Variants in NARS2 observed in about 807,000 individuals in gnomAD.
NARS2 encodes the protein asparaginyl-tRNA synthetase 2, mitochondrial, also known as asparaginyl-tRNA synthetase.
NARS2 carries 60 observed loss-of-function variants against 62.9 expected under a neutral mutation model. The observed-to-expected ratio is 0.95, with a 90% CI of 0.77 to 1.18. NARS2 has a LOEUF of 1.18. NARS2 is among the 50% of genes most tolerant of loss of function. The pLI, the probability that NARS2 is intolerant of heterozygous loss-of-function variation, is 0.00. For missense variants in NARS2, 619 were observed against 576.4 expected (o/e 1.07, Z -0.76); for synonymous variants, 196 against 200.0 (o/e 0.98, Z 0.17).
intron 6 of NARS2, among the ~76,000 whole-genome samples, chr11:78,520,714 T>C (rs2135409673): frequency 6.6e-6 from 1 of 152,318 alleles, no homozygotes; most frequent in East Asian, 1.9e-4. Flanking sequence ...TCTTAGTAAT[T>C]ATTCATCATT....
In NARS2 at chr11:78,506,777, GA is replaced by G. The variant is rs747572493; in HGVS notation, c.690-13583del. Among the ~76,000 whole-genome samples the G allele has an allele frequency of 9.8e-4, 149 of 152,268 alleles. No homozygotes were observed. The Middle Eastern group carries it at 0.01, about 10-fold the overall frequency. On this transcript the variant is annotated intron_variant, in intron 6 of 13. Coordinates refer to ENST00000281038, the MANE Select transcript of NARS2 (RefSeq NM_024678.6). ...TCTCGAACTCCTGACAGCCTCAGGC[GA>G]TCCACCTGCCTCAGCCTCCGACAGT...
intron 7 of NARS2, among the ~76,000 whole-genome samples, chr11:78,485,402 A>AG (rs1320733652): frequency 3.3e-5 from 5 of 152,148 alleles, no homozygotes; most frequent in Admixed American, 1.3e-4. Flanking sequence ...TAAAGTAAAA[A>AG]AAAACAAAAA....
At chr11:78,457,839 C>A (rs1412289053) in intron 11 of NARS2, among the ~76,000 whole-genome samples, 1 of 151,798 alleles carries the variant, frequency 6.6e-6, no homozygotes, top group Non-Finnish European at 1.5e-5. Flanking sequence ...AACACACACA[C>A]ACACATTGTA....
At position 78,565,599 on chromosome 11, in the gene NARS2, C is replaced by G. The variant is rs539177916; in HGVS notation, c.513+533G>C. Among the ~76,000 whole-genome samples the G allele has an allele frequency of 3.9e-5, 6 of 152,248 alleles. No homozygotes were observed. The South Asian group carries it at 6.2e-4, about 16-fold the overall frequency. Reference sequence around the variant, plus strand: ...GGCTAGAGTTCATACGCTAGAATATCAGAGAGAGAGCTGCAGAGGGCCACC... The same window carrying G: ...GGCTAGAGTTCATACGCTAGAATATGAGAGAGAGAGCTGCAGAGGGCCACC... On this transcript the variant is annotated intron_variant, in intron 4 of 13. Transcript: ENST00000281038.
Position 78,534,683 on chromosome 11 carries a change from C to T in NARS2, c.595-5747G>A, listed in dbSNP as rs1056989557. ...CATCAAATTAAGAAATATTGGGGCT[C>T]CTAAGGGACACGGTCTCTCTTATTA... is the stretch of plus-strand genomic sequence containing the variant. On this transcript the variant is annotated intron_variant, in intron 5 of 13. Transcript: ENST00000281038. Among the ~76,000 whole-genome samples, 5 of 152,110 alleles carry T rather than the reference C, an allele frequency of 3.3e-5. No individual in the cohort carries two copies. The South Asian group carries it at 1.0e-3, about 32-fold the overall frequency.
At position 78,442,830 on chromosome 11, in the gene NARS2, TAA is replaced by T. The variant is rs1857616913; in HGVS notation, c.1262+829_1262+830del. On this transcript the variant is annotated intron_variant, in intron 12 of 13. Coordinates refer to ENST00000281038, the MANE Select transcript of NARS2 (RefSeq NM_024678.6). ...CCAGTTCTCAAACAGCAAGTTAGAATAAAGTTATTCAAATAGCTAAATCAAGA... is the reference window on the plus strand; with the variant it reads ...CCAGTTCTCAAACAGCAAGTTAGAATAGTTATTCAAATAGCTAAATCAAGA... Among the ~76,000 whole-genome samples, 3 of 152,164 alleles carry T rather than the reference TAA, an allele frequency of 2.0e-5. No individual in the cohort carries two copies. In the South Asian group the frequency reaches 6.2e-4, roughly 31 times the overall value.
At chr11:78,570,771 C>T (rs889942893) in intron 2 of NARS2, among the ~76,000 whole-genome samples, 6 of 152,140 alleles carry the variant, frequency 3.9e-5, no homozygotes, top group Admixed American at 6.5e-5. Flanking sequence ...CAGCACTATG[C>T]TAGAGGCCAA....
rs530909750 is a variant in NARS2 at position 78,482,204 on chromosome 11, A to G, written c.823-3521T>C. Among the ~76,000 whole-genome samples the G allele has an allele frequency of 3.3e-5, 5 of 152,252 alleles. No homozygotes were observed. The South Asian group carries it at 8.3e-4, about 25-fold the overall frequency. ...TAAATTGACTACAACCTATCTCTCT[A>G]AACAATTATAACTTAAAAATATGGT... On this transcript the variant is annotated intron_variant, in intron 7 of 13. Transcript: ENST00000281038.
Position 78,469,640 on chromosome 11 carries a change from T to C in NARS2, c.960-327A>G, listed in dbSNP as rs147017443. ...CTTTTTCCTAAAATTCACCATTAAT[T>C]CATTTATTTATCCAACAGACATATA... On this transcript the variant is annotated intron_variant, in intron 9 of 13. Coordinates refer to ENST00000281038, the MANE Select transcript of NARS2 (RefSeq NM_024678.6). Among the ~76,000 whole-genome samples, 3 of 152,352 alleles carry C rather than the reference T, an allele frequency of 2.0e-5. No individual in the cohort carries two copies. The East Asian group carries it at 5.8e-4, about 29-fold the overall frequency.
rs1050448456 is a variant in NARS2, at chr11:78,574,659, C to G, written c.-171G>C. 22 of 655,540 alleles carry G rather than the reference C, an allele frequency of 3.4e-5. No individual in the cohort carries two copies. The highest frequency in any genetic ancestry group is 5.3e-5 in the Non-Finnish European group (21 of 394,266). 40.6% of individuals were successfully genotyped at this position (655,540 alleles called of 1,614,324 possible). On this transcript the variant is annotated 5_prime_UTR_variant, in exon 1 of 14. Transcript: ENST00000281038. ...TCTCCTTCAGGACTCCCAGCTCTGT[C>G]CCCACAGAACCTCTCCGCTTCCCAC...
chr11:78,507,544 C>T (rs1405225488), intron 6 of NARS2, among the ~76,000 whole-genome samples: 1 of 140,198 alleles, frequency 7.1e-6, no homozygotes, highest in African/African-American at 2.6e-5. Context: ...TTTTGAGACA[C>T]AGTCTTGCTC....
rs1421741904 is a variant in NARS2 at position 78,513,255 on chromosome 11, A to C, written c.689+15587T>G. Among the ~76,000 whole-genome samples, 7 of 152,232 alleles carry C rather than the reference A, an allele frequency of 4.6e-5. No individual in the cohort carries two copies. The South Asian group carries it at 1.2e-3, about 27-fold the overall frequency. ...ACGGAGTGAGACTGTCTCAAAAATAAAATAAAATGTACAATTAAGTTATTG... is the reference window on the plus strand; with the variant it reads ...ACGGAGTGAGACTGTCTCAAAAATACAATAAAATGTACAATTAAGTTATTG... On this transcript the variant is annotated intron_variant, in intron 6 of 13. Transcript: ENST00000281038.
At chr11:78,524,548 G>A (rs1018692115) in intron 6 of NARS2, among the ~76,000 whole-genome samples, 3 of 152,032 alleles carry the variant, frequency 2.0e-5, no homozygotes, top group African/African-American at 7.2e-5. Flanking sequence ...TTTAACTGAT[G>A]AGAAATGGAA....
In NARS2 at chr11:78,494,469, C is replaced by CTTT. The variant is rs11437113; in HGVS notation, c.690-1277_690-1275dup. Among the ~76,000 whole-genome samples, 16 of 133,194 alleles carry CTTT rather than the reference C, an allele frequency of 1.2e-4. 1 individual carries two copies. Among genetic ancestry groups the CTTT allele is most frequent in the Middle Eastern group, 3.8e-3 (1 of 262 alleles). 87.4% of individuals were successfully genotyped at this position (133,194 alleles called of 152,430 possible). ...GTATATATATAAGTTTTTTCTTTTT[C>CTTT]TTTTTTTTTTTTTTTTTAGTAAAGA... On this transcript the variant is annotated intron_variant, in intron 6 of 13. Coordinates refer to ENST00000281038, the MANE Select transcript of NARS2 (RefSeq NM_024678.6).
chr11:78,572,945 G>A (rs1441566028), intron 1 of NARS2, among the ~76,000 whole-genome samples: 3 of 152,164 alleles, frequency 2.0e-5, no homozygotes, highest in East Asian at 1.9e-4. Context: ...AGCCAAAAGT[G>A]GCTGGTAGCT....
chr11:78,503,614 T>C lies in NARS2; in HGVS notation c.690-10419A>G, dbSNP rs539391133. Reference sequence around the variant, plus strand: ...AATTGATACGAAAGGTAGTATTTCATAAAAAGGGTACACTTGCAGAGGCCT... The same window carrying C: ...AATTGATACGAAAGGTAGTATTTCACAAAAAGGGTACACTTGCAGAGGCCT... On this transcript the variant is annotated intron_variant, in intron 6 of 13. Coordinates refer to ENST00000281038, the MANE Select transcript of NARS2 (RefSeq NM_024678.6). Among the ~76,000 whole-genome samples the C allele has an allele frequency of 5.3e-5, 8 of 152,274 alleles. No homozygotes were observed. In the South Asian group the frequency reaches 1.7e-3, roughly 32 times the overall value.
chr11:78,513,217 TC>T (rs1007316870), intron 6 of NARS2, among the ~76,000 whole-genome samples: 56 of 152,194 alleles, frequency 3.7e-4, no homozygotes, highest in African/African-American at 1.3e-3. Flanking sequence ...ACCACTGCAC[TC>T]TAGCCTGGGT....
chr11:78,476,353 G>A (rs777163143), intron 9 of NARS2, among the ~76,000 whole-genome samples: 1 of 152,176 alleles, frequency 6.6e-6, no homozygotes, highest in Non-Finnish European at 1.5e-5. Context: ...GGCCTCCTAG[G>A]AAGCATCACA....
chr11:78,457,131 T>C (rs911951016), intron 11 of NARS2, among the ~76,000 whole-genome samples: 6 of 152,254 alleles, frequency 3.9e-5, no homozygotes, highest in African/African-American at 1.4e-4. Context: ...AGAACCACTC[T>C]GCATCCTGTG....
Sources: allele counts gnomAD v4.1 joint callset (sites outside exome capture counted in the v4.1 genomes callset), GRCh38; gene constraint gnomAD v4.1.1; transcripts MANE v1.5; gene names NCBI Gene and HGNC (gene_info 2026-07-23, HGNC 2026-07-21).